Variants in LHPP observed in about 807,000 individuals in gnomAD.
The protein encoded by LHPP is phospholysine phosphohistidine inorganic pyrophosphate phosphatase.
A neutral mutation model predicts 30.3 loss-of-function variants in LHPP; 24 were observed. That is an observed-to-expected ratio of 0.79 (90% CI 0.57 to 1.11). LHPP has a LOEUF of 1.11. LHPP is among the 50% of genes most tolerant of loss of function. The probability of loss-of-function intolerance (pLI) is 0.00; values close to 1 mark genes in which losing one functional copy is unlikely to be tolerated. For synonymous variants in LHPP, 150 were observed against 157.1 expected (o/e 0.95, Z 0.34); for missense variants, 356 against 367.2 (o/e 0.97, Z 0.25).
intron 1 of LHPP, among the ~76,000 whole-genome samples, chr10:124,464,370 C>T (rs1349186423): frequency 6.6e-6 from 1 of 152,170 alleles, no homozygotes; most frequent in African/African-American, 2.4e-5. Flanking sequence ...CCCATTCTAC[C>T]AATCTGCATG....
intron 6 of LHPP, among the ~76,000 whole-genome samples, chr10:124,550,303 G>A (rs996030165): frequency 6.6e-6 from 1 of 152,234 alleles, no homozygotes; most frequent in African/African-American, 2.4e-5. Context: ...CCCCGTCTTG[G>A]TTGTTGAGCC....
At chr10:124,546,613 T>C (rs1371372460) in intron 6 of LHPP, among the ~76,000 whole-genome samples, 2 of 152,110 alleles carry the variant, frequency 1.3e-5, no homozygotes, top group African/African-American at 2.4e-5. Context: ...GGTTTCACCA[T>C]GTTAGCCAGG....
chr10:124,492,674 C>G (rs1259334167), intron 3 of LHPP, among the ~76,000 whole-genome samples: 2 of 152,156 alleles, frequency 1.3e-5, no homozygotes, highest in Non-Finnish European at 2.9e-5. Context: ...GCACCGTGGC[C>G]CAGCCAAGTT....
chr10:124,462,115 C>A, intron 1 of LHPP, 128 bp downstream of exon 1: 1 of 863,146 alleles, frequency 1.2e-6, no homozygotes. Flanking sequence ...TCTCCCCCTT[C>A]CCACCCCGGT....
In LHPP at chr10:124,526,162, C is replaced by T. The variant is rs187571731; in HGVS notation, c.716+8891C>T. On this transcript the variant is annotated intron_variant, in intron 6 of 6. Coordinates refer to ENST00000368842, the MANE Select transcript of LHPP (RefSeq NM_022126.4). ...CTCTTCTCCCTAGAGCCGCTCAACA[C>T]GTGTTGCAAGGCACGTGCTCTGGAC... 448 of 985,240 alleles carry T rather than the reference C, an allele frequency of 4.5e-4. 1 individual carries two copies. The African/African-American group carries it at 7.3e-3, about 16-fold the overall frequency. The allele number at this position is 985,240 out of a possible 1,614,324, so 61.0% of individuals were successfully genotyped here. A position where few individuals can be genotyped will look rare whatever the true frequency, so the allele number is the denominator to read the frequency against.
chr10:124,489,555 A>G (rs1311494923), intron 3 of LHPP, among the ~76,000 whole-genome samples: 2 of 152,114 alleles, frequency 1.3e-5, no homozygotes, highest in East Asian at 1.9e-4. Flanking sequence ...CCCGGGTTCA[A>G]GCGATTCTCC....
intron 6 of LHPP, among the ~76,000 whole-genome samples, chr10:124,602,725 C>T (rs944834102): frequency 1.3e-5 from 2 of 152,040 alleles, no homozygotes; most frequent in African/African-American, 2.4e-5. Context: ...CCCAGCCCTG[C>T]CCCCCAATGG....
chr10:124,543,393 C>A (rs1057463129), intron 6 of LHPP, among the ~76,000 whole-genome samples: 1 of 152,262 alleles, frequency 6.6e-6, no homozygotes, highest in African/African-American at 2.4e-5. Context: ...GAGGACAGTG[C>A]AGGCGCAGGT....
chr10:124,506,949 G>C (rs1192882133), intron 5 of LHPP, among the ~76,000 whole-genome samples: 4 of 33,826 alleles, frequency 1.2e-4, no homozygotes, highest in Non-Finnish European at 2.4e-4. Context: ...GGGGGGTAGG[G>C]AGGATTTCAG....
intron 5 of LHPP, among the ~76,000 whole-genome samples, chr10:124,503,055 C>G (rs1265379124): frequency 6.6e-6 from 1 of 151,604 alleles, no homozygotes; most frequent in Non-Finnish European, 1.5e-5. Flanking sequence ...ATTTTGGCAT[C>G]TCTTGATAAT....
chr10:124,523,392 C>T lies in LHPP; in HGVS notation c.716+6121C>T, dbSNP rs1453755322. ...GGCTGCAGGGTGCATGGCTGTGGAG[C>T]TGGCTGCGTCGGGAGGGAGAGTGCC... On this transcript the variant is annotated intron_variant, in intron 6 of 6. Coordinates refer to ENST00000368842, the MANE Select transcript of LHPP (RefSeq NM_022126.4). The surrounding 1 kb of genome is among the most constrained non-coding windows in gnomAD (Gnocchi z 4.2). 6.6e-6 allele frequency among the ~76,000 whole-genome samples: 1 copy of T among 152,210 alleles called. No individual in the cohort carries two copies. Among genetic ancestry groups the T allele is most frequent in the African/African-American group, 2.4e-5 (1 of 41,452 alleles).
intron 6 of LHPP, among the ~76,000 whole-genome samples, chr10:124,568,190 A>G (rs914608764): frequency 6.6e-6 from 1 of 152,220 alleles, no homozygotes; most frequent in Non-Finnish European, 1.5e-5. Flanking sequence ...CTGGGATAAC[A>G]GGTGTGAGCC....
At chr10:124,579,906 A>G (rs1433407712) in intron 6 of LHPP, among the ~76,000 whole-genome samples, 1 of 152,128 alleles carries the variant, frequency 6.6e-6, no homozygotes, top group Non-Finnish European at 1.5e-5. Context: ...AAAGAATCCC[A>G]TTATCCCACA....
rs920188322 is a variant in LHPP, at chr10:124,496,794, G to A, written c.468-167G>A. The stretch of plus-strand genomic sequence containing the variant: ...TGGCGGCCTGCCGCCCGGCTCTGTG[G>A]TGCTGGTCCCCTGCGGTCATTCTCA... On this transcript the variant is annotated intron_variant, in intron 3 of 6. Transcript: ENST00000368842. This position sits in a 1 kb window ranked among gnomAD's most constrained non-coding sequence, Gnocchi z 4.3. 2.6e-5 allele frequency among the ~76,000 whole-genome samples: 4 copies of A among 152,248 alleles called. No homozygotes were observed. Among genetic ancestry groups the A allele is most frequent in the South Asian group, 2.1e-4 (1 of 4,836 alleles).
At chr10:124,463,029 G>T (rs1262128162) in intron 1 of LHPP, among the ~76,000 whole-genome samples, 1 of 152,058 alleles carries the variant, frequency 6.6e-6, no homozygotes, top group African/African-American at 2.4e-5. Context: ...CACCACACCC[G>T]GCTAATTTTT....
chr10:124,559,828 G>A (rs1948362857), intron 6 of LHPP, among the ~76,000 whole-genome samples: 1 of 152,240 alleles, frequency 6.6e-6, no homozygotes, highest in Non-Finnish European at 1.5e-5. Context: ...ACCTGTCTGG[G>A]GTGTGTGCCA....
At chr10:124,532,827 A>T (rs911468882) in intron 6 of LHPP, among the ~76,000 whole-genome samples, 2 of 152,188 alleles carry the variant, frequency 1.3e-5, no homozygotes, top group African/African-American at 4.8e-5. Flanking sequence ...AACTGTCCCT[A>T]TGGCCCCTAT....
chr10:124,578,705 C>T (rs1166053411), intron 6 of LHPP, among the ~76,000 whole-genome samples: 2 of 152,224 alleles, frequency 1.3e-5, no homozygotes, highest in African/African-American at 4.8e-5. Flanking sequence ...GCAGGGCTTA[C>T]ACCGCGCCAC....
intron 6 of LHPP, among the ~76,000 whole-genome samples, chr10:124,585,386 G>A (rs369836659): frequency 3.3e-5 from 5 of 151,940 alleles, no homozygotes; most frequent in African/African-American, 4.8e-5. Context: ...AGGCCGAGGC[G>A]GGCAGATTGC....
Sources: gnomAD v4.1 joint callset for allele counts (sites outside exome capture counted in the v4.1 genomes callset) on GRCh38, gnomAD v4.1.1 for gene constraint, Gnocchi (gnomAD v3.1) non-coding constraint, MANE v1.5 for transcripts, NCBI Gene and HGNC (gene_info 2026-07-23, HGNC 2026-07-21) for gene names.